DIAPH3: variants seen among roughly 807,000 people sequenced by gnomAD.
DIAPH3 encodes protein diaphanous homolog 3.
Under a neutral mutation model 144.3 loss-of-function variants are expected in DIAPH3, and 117 were observed. The ratio of observed to expected loss-of-function variants is 0.81; its 90% CI spans 0.70 to 0.95. The LOEUF is 0.95. DIAPH3 is among the 40% of genes least tolerant of loss of function. DIAPH3 has a pLI of 0.00. For synonymous variants in DIAPH3, 519 were observed against 488.9 expected (o/e 1.06, Z -0.81); for missense variants, 1,421 against 1,412.7 (o/e 1.01, Z -0.09).
intron 17 of DIAPH3, among the ~76,000 whole-genome samples, chr13:59,967,413 A>G (rs553235855): frequency 5.5e-4 from 84 of 152,080 alleles, no homozygotes; most frequent in Non-Finnish European, 1.1e-3. Flanking sequence ...AATTGATTCA[A>G]ACAAAGTATG....
intron 24 of DIAPH3, among the ~76,000 whole-genome samples, chr13:59,812,078 G>C (rs1320830476): frequency 1.3e-5 from 2 of 152,270 alleles, no homozygotes; most frequent in Admixed American, 1.3e-4. Context: ...GGTGGCTTAT[G>C]TTGTTTCGGG....
intron 17 of DIAPH3, among the ~76,000 whole-genome samples, chr13:59,947,104 C>T (rs930296944): frequency 3.3e-5 from 5 of 152,204 alleles, no homozygotes; most frequent in African/African-American, 1.2e-4. Flanking sequence ...CATCAACCAA[C>T]ATTCATGCAT....
intron 1 of DIAPH3, among the ~76,000 whole-genome samples, chr13:60,153,758 T>C (rs1254725357): frequency 1.3e-5 from 2 of 152,162 alleles, no homozygotes; most frequent in Non-Finnish European, 2.9e-5. Context: ...TAAAAAGTGA[T>C]AGGCATAAAG....
In DIAPH3 at chr13:59,970,016, C is replaced by G. The variant is rs779624741; in HGVS notation, c.2002G>C (p.Val668Leu). 4 of 1,608,376 alleles carry G rather than the reference C, an allele frequency of 2.5e-6. No homozygotes were observed. The highest frequency in any genetic ancestry group is 3.4e-6 in the Non-Finnish European group (4 of 1,176,678). ...ACGTTTTCATACTTATTTTCATTTA[C>G]TTTTATCCAGAAACAGTTTTCAGTC... is the stretch of plus-strand genomic sequence containing the variant. ...EMTENCFWIK[V>L]NENKYENVDL... The change falls in exon 17 of 28, where the codon GTA (valine) becomes CTA (leucine). Residue 668 changes from valine (V) to leucine (L), a missense_variant. Coordinates refer to ENST00000400324, the MANE Select transcript of DIAPH3 (RefSeq NM_001042517.2).
At chr13:60,013,296 G>T in intron 7 of DIAPH3, 1 of 841,524 alleles carries the variant, frequency 1.2e-6, no homozygotes, top group Non-Finnish European at 1.4e-6. Flanking sequence ...GAAAGTTAAT[G>T]CTCTAAATCC....
chr13:60,096,133 G>A (rs980148023), intron 3 of DIAPH3, among the ~76,000 whole-genome samples: 6 of 152,216 alleles, frequency 3.9e-5, no homozygotes, highest in Admixed American at 3.3e-4. Context: ...TTCACTGGAA[G>A]AAAGTAATGA....
intron 21 of DIAPH3, among the ~76,000 whole-genome samples, chr13:59,872,793 C>T (rs142931643): frequency 6.6e-5 from 10 of 152,258 alleles, no homozygotes; most frequent in East Asian, 1.9e-4. Context: ...ATAAGCCTGA[C>T]GCCGAGGAGG....
chr13:59,791,304 A>G (rs2039313435), intron 25 of DIAPH3, among the ~76,000 whole-genome samples: 1 of 152,200 alleles, frequency 6.6e-6, no homozygotes, highest in Non-Finnish European at 1.5e-5. Flanking sequence ...AGAGATACAT[A>G]AAATAAAGAA....
At chr13:60,034,259 A>C (rs1234994816) in intron 5 of DIAPH3, among the ~76,000 whole-genome samples, 3 of 152,260 alleles carry the variant, frequency 2.0e-5, no homozygotes, top group African/African-American at 7.2e-5. Flanking sequence ...TAAGGTTTAC[A>C]TTCTCAGAAA....
At chr13:59,715,977 T>C (rs2035031321) in intron 27 of DIAPH3, among the ~76,000 whole-genome samples, 1 of 152,170 alleles carries the variant, frequency 6.6e-6, no homozygotes, top group Non-Finnish European at 1.5e-5. Flanking sequence ...AAAGTGGGCA[T>C]ACCACATTAA....
chr13:60,081,861 G>A (rs1359986277), intron 4 of DIAPH3, among the ~76,000 whole-genome samples: 3 of 151,952 alleles, frequency 2.0e-5, no homozygotes, highest in Admixed American at 6.6e-5. Context: ...GACTACAAGA[G>A]GCCCAGAAAA....
At chr13:59,858,501 A>C (rs2043386728) in intron 22 of DIAPH3, among the ~76,000 whole-genome samples, 1 of 152,188 alleles carries the variant, frequency 6.6e-6, no homozygotes, top group Non-Finnish European at 1.5e-5. Context: ...TTGACTAGGA[A>C]AGGATGGAAA....
At chr13:59,710,338 A>T (rs2645043) in intron 27 of DIAPH3, among the ~76,000 whole-genome samples, 103,589 of 151,066 alleles carry the variant, frequency 0.69, 35,678 homozygotes, top group East Asian at 0.83. Flanking sequence ...CAAAGATCTT[A>T]AAAAAAAACC....
At chr13:60,073,069 G>A (rs528879767) in intron 4 of DIAPH3, among the ~76,000 whole-genome samples, 78 of 152,292 alleles carry the variant, frequency 5.1e-4, no homozygotes, top group African/African-American at 1.9e-3. Flanking sequence ...AACGCTTTGG[G>A]AGGGTGAGGC....
In DIAPH3 at chr13:59,949,610, T is replaced by C. The variant is rs2048995290; in HGVS notation, c.2074+20334A>G. On this transcript the variant is annotated intron_variant, in intron 17 of 27. Transcript: ENST00000400324. ...ACACATATATGACCATTAGTTTATATAGAGTCTGTGGCTGCTTTCACACTG... is the reference window on the plus strand; with the variant it reads ...ACACATATATGACCATTAGTTTATACAGAGTCTGTGGCTGCTTTCACACTG... Among the ~76,000 whole-genome samples, 3 of 152,320 alleles carry C rather than the reference T, an allele frequency of 2.0e-5. 1 individual carries two copies. The highest frequency in any genetic ancestry group is 4.1e-4 in the South Asian group (2 of 4,822).
intron 24 of DIAPH3, among the ~76,000 whole-genome samples, chr13:59,812,025 C>T (rs1181431884): frequency 6.6e-6 from 1 of 152,062 alleles, no homozygotes; most frequent in Non-Finnish European, 1.5e-5. Flanking sequence ...TTTATCACCA[C>T]TGGTATTAAA....
intron 9 of DIAPH3, among the ~76,000 whole-genome samples, chr13:60,002,135 C>A (rs529744212): frequency 6.6e-6 from 1 of 152,244 alleles, no homozygotes; most frequent in African/African-American, 2.4e-5. Flanking sequence ...AAAAAGAAAG[C>A]CACCTGGTGT....
At position 59,924,819 on chromosome 13, in the gene DIAPH3, AT is replaced by A. The variant is rs777749882; in HGVS notation, c.2125del (p.Ile709LeufsTer7). 9 of 1,601,808 alleles carry A rather than the reference AT, an allele frequency of 5.6e-6. No homozygotes were observed. Among genetic ancestry groups the A allele is most frequent in the Non-Finnish European group, 7.7e-6 (9 of 1,171,640 alleles). On this transcript the variant is annotated frameshift_variant, in exon 18 of 28. Coordinates refer to ENST00000400324, the MANE Select transcript of DIAPH3 (RefSeq NM_001042517.2). LOFTEE classifies it high-confidence loss of function. ...IEEKKSIKKKIKELKFLDSKI... is the reference protein window; with the variant it reads ...IEEKKSIKKKXKELKFLDSKI... The stretch of plus-strand genomic sequence containing the variant: ...AGAATCTAAAAACTTAAGTTCTTTA[AT>A]TTTTTTCTTAATCGATTTCTTCTCT...
At chr13:59,673,413 G>T (rs1228631298) in intron 27 of DIAPH3, among the ~76,000 whole-genome samples, 2 of 152,176 alleles carry the variant, frequency 1.3e-5, no homozygotes, top group Non-Finnish European at 2.9e-5. Context: ...TTTGGAATGT[G>T]TGTAATAAAG....
Sources: gnomAD v4.1 joint callset for allele counts (sites outside exome capture counted in the v4.1 genomes callset) on GRCh38, gnomAD v4.1.1 for gene constraint, MANE v1.5 for transcripts, NCBI Gene and HGNC (gene_info 2026-07-23, HGNC 2026-07-21) for gene names.